ERO1B: variants seen among roughly 807,000 people sequenced by gnomAD.
The protein encoded by ERO1B is ERO1-like protein beta.
Under a neutral mutation model 75.3 loss-of-function variants are expected in ERO1B, and 49 were observed. That is an observed-to-expected ratio of 0.65 (90% CI 0.52 to 0.83). The LOEUF is 0.83. ERO1B is among the 40% of genes least tolerant of loss of function. The pLI is 0.00. For synonymous variants in ERO1B, 191 were observed against 192.9 expected, an observed-to-expected ratio of 0.99 and a Z score of 0.08; for missense variants, 512 against 560.1, an observed-to-expected ratio of 0.91 and a Z score of 0.87.
At chr1:236,243,294 GAAT>G in intron 6 of ERO1B, 125 bp downstream of exon 6, 1 of 567,112 alleles carries the variant, frequency 1.8e-6, no homozygotes. Context: ...ATGCCATTAT[GAAT>G]AATAAGGTCT....
chr1:236,268,662 G>T (rs555558848), intron 2 of ERO1B, among the ~76,000 whole-genome samples: 2 of 151,810 alleles, frequency 1.3e-5, no homozygotes, highest in African/African-American at 2.4e-5. Flanking sequence ...CAAGGCGGGC[G>T]GATCACAAGG....
intron 15 of ERO1B, among the ~76,000 whole-genome samples, chr1:236,218,840 T>C (rs1664062990): frequency 6.6e-6 from 1 of 152,182 alleles, no homozygotes; most frequent in Non-Finnish European, 1.5e-5. Context: ...GAATCTCAAA[T>C]CATTTACAAT....
At chr1:236,223,752 T>G (rs1664214233) in intron 13 of ERO1B, among the ~76,000 whole-genome samples, 1 of 152,178 alleles carries the variant, frequency 6.6e-6, no homozygotes, top group Non-Finnish European at 1.5e-5. Flanking sequence ...TTCTGAAGAT[T>G]AAAAGTAGAA....
chr1:236,245,318 ATATACACACACG>A (rs1354926379), intron 5 of ERO1B, among the ~76,000 whole-genome samples: 2 of 20,582 alleles, frequency 9.7e-5, no homozygotes, highest in Non-Finnish European at 1.6e-4. Context: ...ATATATATAT[ATATACACACACG>A]TATATATATA....
At chr1:236,229,378 T>C (rs1401612792) in intron 10 of ERO1B, among the ~76,000 whole-genome samples, 1 of 150,800 alleles carries the variant, frequency 6.6e-6, no homozygotes, top group Admixed American at 6.6e-5. Context: ...TGAGCCGAGA[T>C]GGCGCCACTG....
chr1:236,236,373 A>G lies in ERO1B; in HGVS notation c.531T>C (p.Tyr177=). 1 of 1,614,030 alleles carries G rather than the reference A, an allele frequency of 6.2e-7. No homozygotes were observed. Among genetic ancestry groups the G allele is most frequent in the Non-Finnish European group, 8.5e-7 (1 of 1,179,954 alleles). The change falls in exon 7 of 16, where the codon TAT becomes TAC. Residue 177 remains tyrosine (Y), a synonymous_variant. Coordinates refer to ENST00000354619, the MANE Select transcript of ERO1B (RefSeq NM_019891.4). ...GCTCTGGGTTCAGCAATAGGTCTAC[A>G]TACTGAGCAGCTGGAGATCTCTCAT... ...LDDERSPAAQ[Y]VDLLLNPERY...
chr1:236,222,000 C>T lies in ERO1B; in HGVS notation c.1133G>A (p.Arg378Gln), dbSNP rs373084178. The change falls in exon 14 of 16, where the codon CGA becomes CAA. Residue 378 changes from arginine (R) to glutamine (Q), a missense_variant. Physicochemically the swap from Arg to Gln is conservative, Grantham distance 43 (BLOSUM62 1). Coordinates refer to ENST00000354619, the MANE Select transcript of ERO1B (RefSeq NM_019891.4). ...ACGGGAGATATTCTTGAAATGTAATCGGAATTCCTCCTAGCAAGCAGAAAA... is the reference window on the plus strand; with the variant it reads ...ACGGGAGATATTCTTGAAATGTAATTGGAATTCCTCCTAGCAAGCAGAAAA... ...KGAKSLKEEF[R>Q]LHFKNISRIM... The T allele has an allele frequency of 1.6e-5, 26 of 1,612,950 alleles. No homozygotes were observed. The highest frequency in any genetic ancestry group is 5.3e-5 in the African/African-American group (4 of 74,868).
intron 6 of ERO1B, among the ~76,000 whole-genome samples, chr1:236,237,510 TGCTTTTCATA>T (rs1467243688): frequency 2.4e-4 from 37 of 152,342 alleles, no homozygotes; most frequent in African/African-American, 8.7e-4. Context: ...ATGGGAAACG[TGCTTTTCATA>T]GCTAAAGAAA....
At chr1:236,245,124 G>A (rs76258151) in intron 5 of ERO1B, among the ~76,000 whole-genome samples, 2,423 of 150,474 alleles carry the variant, frequency 0.016, 59 homozygotes, top group African/African-American at 0.054. Context: ...CAAGTAGCTC[G>A]AACTATAGAC....
intron 5 of ERO1B, among the ~76,000 whole-genome samples, chr1:236,245,798 G>C (rs1453955275): frequency 6.7e-6 from 1 of 149,148 alleles, no homozygotes; most frequent in African/African-American, 2.5e-5. Flanking sequence ...CACCATGTTG[G>C]CCAGGTTGGT....
rs536799641 is a variant in ERO1B, at chr1:236,216,061, T to G, written c.*2455A>C. 1 of 152,292 alleles carries G rather than the reference T, an allele frequency of 6.6e-6. No homozygotes were observed. The highest frequency in any genetic ancestry group is 1.9e-4 in the East Asian group (1 of 5,188). The allele number at this position is 152,292 out of a possible 1,614,324, so 9.4% of individuals were successfully genotyped here. A position where few individuals can be genotyped will look rare whatever the true frequency, so the allele number is the denominator to read the frequency against. ...CTAAGAATCAAAACAGGAGAAACAT[T>G]CAAAGTTTACCAATTTTAATATATA... On this transcript the variant is annotated 3_prime_UTR_variant, in exon 16 of 16. Coordinates refer to ENST00000354619, the MANE Select transcript of ERO1B (RefSeq NM_019891.4).
At chr1:236,229,190 C>CT (rs1409013487) in intron 10 of ERO1B, among the ~76,000 whole-genome samples, 41 of 152,158 alleles carry the variant, frequency 2.7e-4, no homozygotes, top group Non-Finnish European at 2.9e-4. Flanking sequence ...CTTTGGGAGG[C>CT]TGAGGTGGGC....
Position 236,226,354 on chromosome 1 carries a change from G to A in ERO1B, c.967C>T (p.Arg323Cys), listed in dbSNP as rs1190087436. ...CCAGTGTAAAGATCGACAATTGAGCGCTCAAAATATGGAGCCACCTTTGAC... is the reference window on the plus strand; with the variant it reads ...CCAGTGTAAAGATCGACAATTGAGCACTCAAAATATGGAGCCACCTTTGAC... ...ALSKVAPYFERSIVDLYTGNA... is the reference protein window; with the variant it reads ...ALSKVAPYFECSIVDLYTGNA... The change falls in exon 12 of 16, where the codon CGC becomes TGC. Residue 323 changes from arginine (R) to cysteine (C), a missense_variant. Transcript: ENST00000354619. 1 of 1,614,008 alleles carries A rather than the reference G, an allele frequency of 6.2e-7. No individual in the cohort carries two copies. The highest frequency in any genetic ancestry group is 8.5e-7 in the Non-Finnish European group (1 of 1,179,958).
intron 5 of ERO1B, among the ~76,000 whole-genome samples, chr1:236,248,597 A>G (rs1347720482): frequency 6.6e-6 from 1 of 152,238 alleles, no homozygotes; most frequent in Admixed American, 6.5e-5. Flanking sequence ...TTCAACATGG[A>G]CAGATCTAGA....
At chr1:236,279,233 T>C (rs1303067383) in intron 1 of ERO1B, among the ~76,000 whole-genome samples, 3 of 152,238 alleles carry the variant, frequency 2.0e-5, no homozygotes, top group African/African-American at 7.2e-5. Flanking sequence ...CCAGGCACGG[T>C]GGCTCACGCC....
intron 2 of ERO1B, among the ~76,000 whole-genome samples, chr1:236,264,389 A>G (rs1189446752): frequency 6.6e-6 from 1 of 152,234 alleles, no homozygotes; most frequent in Admixed American, 6.5e-5. Context: ...GATTACAGGC[A>G]GAAGCCACCA....
intron 1 of ERO1B, among the ~76,000 whole-genome samples, chr1:236,273,110 G>A (rs2812476): frequency 0.91 from 139,226 of 152,216 alleles, 64,921 homozygotes; most frequent in East Asian, 1. Context: ...AGATGGAAGG[G>A]GTATACTGGA....
chr1:236,221,034 A>G, intron 14 of ERO1B, 69 bp from the exon 15 acceptor site: 1 of 1,176,246 alleles, frequency 8.5e-7, no homozygotes, highest in South Asian at 2.4e-5. Flanking sequence ...GCTTAAAGGA[A>G]TATATAGCCA....
At chr1:236,234,270 T>A (rs1344047853) in intron 8 of ERO1B, among the ~76,000 whole-genome samples, 1 of 152,214 alleles carries the variant, frequency 6.6e-6, no homozygotes, top group Non-Finnish European at 1.5e-5. Context: ...CTTTTCCTCA[T>A]CTTTTCAGCA....
Sources: allele counts gnomAD v4.1 joint callset (sites outside exome capture counted in the v4.1 genomes callset), GRCh38; gene constraint gnomAD v4.1.1; transcripts MANE v1.5; gene names NCBI Gene and HGNC (gene_info 2026-07-23, HGNC 2026-07-21).